Variants in PSME4 observed in about 807,000 individuals in gnomAD.
PSME4 encodes the protein proteasome activator subunit 4, also known as proteasome activator complex subunit 4.
A neutral mutation model predicts 253.9 loss-of-function variants in PSME4; 89 were observed. That is an observed-to-expected ratio of 0.35 (90% confidence interval 0.30 to 0.42). The LOEUF (loss-of-function observed/expected upper bound fraction) is 0.42. PSME4 is among the 10% of genes least tolerant of loss of function. The pLI, the probability that PSME4 is intolerant of heterozygous loss-of-function variation, is 1.00. For missense variants in PSME4, 2,014 were observed against 2,195.2 expected, an observed-to-expected ratio of 0.92 and a Z score of 1.65; for synonymous variants, 851 against 759.2, an observed-to-expected ratio of 1.12 and a Z score of -1.99.
chr2:53,881,646 C>T (rs12621783), intron 41 of PSME4: 12,114 of 151,420 alleles, frequency 0.08, 630 homozygotes, highest in East Asian at 0.25. Context: ...AGCACAGTGG[C>T]GAGATCTGGC....
chr2:53,881,219 T>C lies in PSME4; in HGVS notation c.4815+4471A>G, dbSNP rs139155400. On this transcript the variant is annotated intron_variant, in intron 41 of 46. Transcript: ENST00000404125. ...TTTTTCTCCTGATTATTGAAAAAAA[T>C]AGTTTTTCTAAAGAAATACCAACAA... is the stretch of plus-strand genomic sequence containing the variant. 3.0e-3 allele frequency among the ~76,000 whole-genome samples: 456 copies of C among 152,302 alleles called. 1 individual carries two copies. The highest frequency in any genetic ancestry group is 6.8e-3 in the Middle Eastern group (2 of 294).
At position 53,909,245 on chromosome 2, in the gene PSME4, A is replaced by C. The variant is rs1175197828; in HGVS notation, c.2573-405T>G. 4.6e-5 allele frequency among the ~76,000 whole-genome samples: 7 copies of C among 152,184 alleles called. No individual in the cohort carries two copies. In the East Asian group the frequency reaches 1.2e-3, roughly 25 times the overall value. ...TAGTTGTGGGTGACGTAAATCAAGC[A>C]ATTACAGCCTAGCAATTAATGTATG... On this transcript the variant is annotated intron_variant, in intron 21 of 46. Transcript: ENST00000404125.
At chr2:53,880,008 C>T (rs1190284955) in intron 41 of PSME4, among the ~76,000 whole-genome samples, 4 of 152,120 alleles carry the variant, frequency 2.6e-5, no homozygotes, top group Non-Finnish European at 4.4e-5. Context: ...ATTCAAAACC[C>T]TGCCTTGGTG....
chr2:53,970,808 C>T lies in PSME4; in HGVS notation c.-24G>A, dbSNP rs1160444920. 17 of 1,489,946 alleles carry T rather than the reference C, an allele frequency of 1.1e-5. No homozygotes were observed. Among genetic ancestry groups the T allele is most frequent in the Non-Finnish European group, 1.5e-5 (17 of 1,119,892 alleles). 92.3% of individuals were successfully genotyped at this position (1,489,946 alleles called of 1,614,324 possible). A position where few individuals can be genotyped will look rare whatever the true frequency, so the allele number is the denominator to read the frequency against. ...ATGAGCCCAGGGACACCCCCCCCAC[C>T]CCCTCCCACCCGAACCCTCCCCGGC... is the stretch of plus-strand genomic sequence containing the variant. On this transcript the variant is annotated 5_prime_UTR_variant, in exon 1 of 47. Coordinates refer to ENST00000404125, the MANE Select transcript of PSME4 (RefSeq NM_014614.3).
chr2:53,968,151 T>C (rs1670834248), intron 1 of PSME4, among the ~76,000 whole-genome samples: 1 of 151,562 alleles, frequency 6.6e-6, no homozygotes, highest in South Asian at 2.1e-4. Context: ...GGCACTCGCC[T>C]ATAATCCTAC....
chr2:53,889,971 A>G (rs2104425438), intron 37 of PSME4, 133 bp downstream of exon 37: 1 of 710,040 alleles, frequency 1.4e-6, no homozygotes, highest in East Asian at 2.7e-5. Flanking sequence ...CCATGGAAAT[A>G]AAAAATAAAA....
chr2:53,938,795 T>G (rs186077768), intron 4 of PSME4, among the ~76,000 whole-genome samples: 1 of 152,318 alleles, frequency 6.6e-6, no homozygotes, highest in Admixed American at 6.5e-5. Context: ...AAAATTATAT[T>G]TCTAAGAATA....
chr2:53,949,133 A>G lies in PSME4; in HGVS notation c.383+10T>C, dbSNP rs752130037. On this transcript the variant is annotated intron_variant, in intron 2 of 46. Coordinates refer to ENST00000404125, the MANE Select transcript of PSME4 (RefSeq NM_014614.3). ...CAAACCTTAACAGAAACCTCTGGAA[A>G]AAGACTTACTTTAACAAGTTGATCA... 1 of 1,581,094 alleles carries G rather than the reference A, an allele frequency of 6.3e-7. No homozygotes were observed. Among genetic ancestry groups the G allele is most frequent in the South Asian group, 1.2e-5 (1 of 83,716 alleles).
At chr2:53,932,882 A>G in intron 8 of PSME4, 122 bp from the exon 9 acceptor site, 1 of 670,336 alleles carries the variant, frequency 1.5e-6, no homozygotes, top group Non-Finnish European at 2.5e-6. Flanking sequence ...TGACAAAAAT[A>G]AATTCTACCT....
chr2:53,912,035 G>A (rs1449597743), intron 20 of PSME4, among the ~76,000 whole-genome samples: 1 of 152,152 alleles, frequency 6.6e-6, no homozygotes, highest in Non-Finnish European at 1.5e-5. Context: ...ATTAAGTAAT[G>A]TATTTAAATA....
intron 9 of PSME4, among the ~76,000 whole-genome samples, chr2:53,932,364 C>T (rs1668871361): frequency 6.6e-6 from 1 of 152,008 alleles, no homozygotes; most frequent in Admixed American, 6.6e-5. Flanking sequence ...TTTAACTGGA[C>T]AACTTAAAAA....
At chr2:53,970,442 C>A in intron 1 of PSME4, 101 bp downstream of exon 1, 1 of 1,512,184 alleles carries the variant, frequency 6.6e-7, no homozygotes, top group South Asian at 1.2e-5. Flanking sequence ...CCAGCGAGGA[C>A]AGAGCTAAGG....
rs1558639294 is a variant in PSME4, at chr2:53,869,409, G to A, written c.5230C>T (p.Pro1744Ser). ...TKLPKKRKRD[P>S]GSVGDTIPSA... ...GGAATGGTATCTCCTACAGAACCAG[G>A]GTCTCGCTTTCTTTTCTTAGGTAGT... The change falls in exon 44 of 47, where the codon CCT (proline) becomes TCT (serine). Residue 1744 changes from proline (P) to serine (S), a missense_variant. Physicochemically the swap from Pro to Ser is moderately conservative, Grantham distance 74 (BLOSUM62 -1). This residue lies in a region of PSME4 where 403 missense variants were observed against 556.1 expected (regional missense o/e 0.72). Transcript: ENST00000404125. 6.2e-7 allele frequency: 1 copy of A among 1,610,780 alleles called. No individual in the cohort carries two copies.
At chr2:53,961,282 C>T (rs1476219624) in intron 1 of PSME4, among the ~76,000 whole-genome samples, 2 of 152,184 alleles carry the variant, frequency 1.3e-5, no homozygotes, top group African/African-American at 4.8e-5. Context: ...TACTACCATG[C>T]TCTCAGTTTG....
At chr2:53,874,225 G>C in intron 43 of PSME4, 114 bp downstream of exon 43, 1 of 1,068,880 alleles carries the variant, frequency 9.4e-7, no homozygotes, top group East Asian at 2.4e-5. Flanking sequence ...CTCTCAAAGA[G>C]TTGAGGTTAT....
At chr2:53,939,469 T>A (rs542160055) in intron 4 of PSME4, among the ~76,000 whole-genome samples, 23 of 152,316 alleles carry the variant, frequency 1.5e-4, no homozygotes, top group African/African-American at 4.6e-4. Flanking sequence ...CTCACACCTA[T>A]AATCCCAATG....
At position 53,906,641 on chromosome 2, in the gene PSME4, A is replaced by G. The variant is rs1170166239; in HGVS notation, c.2900T>C (p.Met967Thr). ...GCEYKKIHQD[M>T]IRDLLRLSTS... ...AGATAAACGAAGAAGATCTCTGATC[A>G]TATCTTGATGTATCTTTTTGTATTC... Residue 967 changes from methionine (M) to threonine (T), a missense_variant, in exon 26 of 47, where the codon ATG becomes ACG. Physicochemically the swap from Met to Thr is moderately conservative, Grantham distance 81. Transcript: ENST00000404125. 6.2e-7 allele frequency: 1 copy of G among 1,603,304 alleles called. No homozygotes were observed. Among genetic ancestry groups the G allele is most frequent in the African/African-American group, 1.3e-5 (1 of 74,276 alleles).
chr2:53,909,727 G>A lies in PSME4; in HGVS notation c.2572+348C>T, dbSNP rs181892223. Among the ~76,000 whole-genome samples the A allele has an allele frequency of 2.4e-3, 360 of 152,256 alleles. 5 individuals carry two copies. The highest frequency in any genetic ancestry group is 8.1e-3 in the African/African-American group (338 of 41,564). On this transcript the variant is annotated intron_variant, in intron 21 of 46. Coordinates refer to ENST00000404125, the MANE Select transcript of PSME4 (RefSeq NM_014614.3). ...GTAATCCCCCAGCACTCTGGGAAGC[G>A]GAGGTGGGTAGATCACTTGATGTCA...
intron 41 of PSME4, among the ~76,000 whole-genome samples, chr2:53,876,927 T>C (rs1679160222): frequency 6.6e-6 from 1 of 151,670 alleles, no homozygotes; most frequent in African/African-American, 2.4e-5. Context: ...CTCACTGTGT[T>C]GCCCAGATTG....
Sources: allele counts gnomAD v4.1 joint callset (sites outside exome capture counted in the v4.1 genomes callset), GRCh38; gene constraint gnomAD v4.1.1; regional missense constraint gnomAD v4.1.1; transcripts MANE v1.5; gene names NCBI Gene and HGNC (gene_info 2026-07-23, HGNC 2026-07-21).